NKD1: variants seen among roughly 807,000 people sequenced by gnomAD.
NKD1 encodes protein naked cuticle homolog 1.
Under a neutral mutation model 56.0 loss-of-function variants are expected in NKD1, and 21 were observed. The observed-to-expected ratio is 0.38, with a 90% CI of 0.27 to 0.54. The LOEUF (loss-of-function observed/expected upper bound fraction) is 0.54. Among genes scored for constraint, NKD1 ranks in the 20% least tolerant of loss-of-function variants. The probability of loss-of-function intolerance (pLI) is 0.82; values close to 1 mark genes in which losing one functional copy is unlikely to be tolerated. For missense variants in NKD1, 578 were observed against 642.7 expected, an observed-to-expected ratio of 0.90 and a Z score of 1.09; for synonymous variants, 263 against 265.7, an observed-to-expected ratio of 0.99 and a Z score of 0.10.
At position 50,583,805 on chromosome 16, in the gene NKD1, G is replaced by T. The variant is rs544162005; in HGVS notation, c.193-24489G>T. Among the ~76,000 whole-genome samples, 3 of 152,270 alleles carry T rather than the reference G, an allele frequency of 2.0e-5. No homozygotes were observed. The East Asian group carries it at 5.8e-4, about 29-fold the overall frequency. On this transcript the variant is annotated intron_variant, in intron 3 of 9. Coordinates refer to ENST00000268459, the MANE Select transcript of NKD1 (RefSeq NM_033119.5). Reference sequence around the variant, plus strand: ...ACATGACACAGGTGTGATGGAGCGAGTAGAGTTGTGACTCCTGATGTGGCT... The same window carrying T: ...ACATGACACAGGTGTGATGGAGCGATTAGAGTTGTGACTCCTGATGTGGCT...
chr16:50,602,262 G>A (rs1159750512), intron 3 of NKD1, among the ~76,000 whole-genome samples: 1 of 152,188 alleles, frequency 6.6e-6, no homozygotes, highest in Non-Finnish European at 1.5e-5. Flanking sequence ...TCTTCCTCTT[G>A]TTTCCTGGGT....
intron 4 of NKD1, chr16:50,613,600 TTC>T (rs1481384361): frequency 6.6e-6 from 1 of 152,234 alleles, no homozygotes; most frequent in East Asian, 1.9e-4. Flanking sequence ...CCTTGGCAGT[TTC>T]TCTCAAGTCT....
chr16:50,621,298 C>T (rs1789140222), intron 4 of NKD1, among the ~76,000 whole-genome samples: 1 of 152,168 alleles, frequency 6.6e-6, no homozygotes, highest in South Asian at 2.1e-4. Context: ...ATCCATCTGC[C>T]CTCTGGCCTG....
Position 50,643,305 on chromosome 16 carries a change from A to G in NKD1, c.*9524A>G, listed in dbSNP as rs1330644881. On this transcript the variant is annotated 3_prime_UTR_variant, in exon 10 of 10. Transcript: ENST00000268459. Reference sequence around the variant, plus strand: ...TACAGTTCAGTTAAGCAACTTACCTAACTTGTGGCTAATGCATGGTAGGAT... The same window carrying G: ...TACAGTTCAGTTAAGCAACTTACCTGACTTGTGGCTAATGCATGGTAGGAT... The G allele has an allele frequency of 6.6e-6, 1 of 152,264 alleles. No individual in the cohort carries two copies. The highest frequency in any genetic ancestry group is 6.5e-5 in the Admixed American group (1 of 15,292). 9.4% of individuals were successfully genotyped at this position (152,264 alleles called of 1,614,324 possible).
At position 50,638,785 on chromosome 16, in the gene NKD1, A is replaced by T. The variant is rs1962522047; in HGVS notation, c.*5004A>T. The T allele has an allele frequency of 6.6e-6, 1 of 152,072 alleles. No individual in the cohort carries two copies. The highest frequency in any genetic ancestry group is 1.5e-5 in the Non-Finnish European group (1 of 68,014). The allele number at this position is 152,072 out of a possible 1,614,324, so 9.4% of individuals were successfully genotyped here. ...AGCATGAGAAGGGGGAATAGGTGAGACCCATTTGCCAGTAGCAGACGGGGA... is the reference window on the plus strand; with the variant it reads ...AGCATGAGAAGGGGGAATAGGTGAGTCCCATTTGCCAGTAGCAGACGGGGA... On this transcript the variant is annotated 3_prime_UTR_variant, in exon 10 of 10. Coordinates refer to ENST00000268459, the MANE Select transcript of NKD1 (RefSeq NM_033119.5).
At position 50,548,591 on chromosome 16, in the gene NKD1, G is replaced by A; in HGVS notation, c.25+13G>A. The A allele has an allele frequency of 7.5e-6, 11 of 1,461,450 alleles. No individual in the cohort carries two copies. The highest frequency in any genetic ancestry group is 1.3e-5 in the South Asian group (1 of 76,986). The allele number at this position is 1,461,450 out of a possible 1,614,324, so 90.5% of individuals were successfully genotyped here. A position where few individuals can be genotyped will look rare whatever the true frequency, so the allele number is the denominator to read the frequency against. On this transcript the variant is annotated intron_variant, in intron 1 of 9. Transcript: ENST00000268459. ...CACTCCAAGCCGGGTCAGTGCCCCCGCCCGCGCGCTCGCCCCGGGCCCCGC... is the reference window on the plus strand; with the variant it reads ...CACTCCAAGCCGGGTCAGTGCCCCCACCCGCGCGCTCGCCCCGGGCCCCGC...
intron 3 of NKD1, among the ~76,000 whole-genome samples, chr16:50,562,927 G>A (rs2192850): frequency 0.089 from 13,209 of 148,060 alleles, 807 homozygotes; most frequent in African/African-American, 0.16. Flanking sequence ...CGGATTTAGA[G>A]CTACCCTGGC....
chr16:50,574,130 G>A (rs1472621167), intron 3 of NKD1: 1 of 869,730 alleles, frequency 1.1e-6, no homozygotes, highest in Admixed American at 6.2e-5. Flanking sequence ...CATGGGTATT[G>A]GGTGATAGAA....
chr16:50,574,679 C>T (rs2151267561), intron 3 of NKD1: 1 of 985,440 alleles, frequency 1.0e-6, no homozygotes, highest in South Asian at 4.7e-5. Flanking sequence ...CACCTCCTTG[C>T]CTCGTTGTCG....
chr16:50,608,575 G>A (rs556949944), intron 4 of NKD1: 48 of 588,756 alleles, frequency 8.2e-5, no homozygotes, highest in Admixed American at 6.8e-4. Flanking sequence ...GTGGGGGTCC[G>A]GTCACCTAGG....
intron 3 of NKD1, among the ~76,000 whole-genome samples, chr16:50,600,109 A>C (rs1421247650): frequency 6.6e-6 from 1 of 152,056 alleles, no homozygotes; most frequent in Non-Finnish European, 1.5e-5. Flanking sequence ...GGTTCTTTAA[A>C]TCCTGTCTTT....
chr16:50,578,568 G>A (rs1307541380), intron 3 of NKD1, among the ~76,000 whole-genome samples: 1 of 152,082 alleles, frequency 6.6e-6, no homozygotes, highest in African/African-American at 2.4e-5. Context: ...GTTCCCCTGG[G>A]GATCTACTAG....
rs140430936 is a variant in NKD1, at chr16:50,632,292, A to C, written c.707A>C (p.Asp236Ala). The change falls in exon 9 of 10, where the codon GAC becomes GCC. Residue 236 changes from aspartate to alanine, a missense_variant. Transcript: ENST00000268459. This position sits in a 1 kb window ranked among gnomAD's most constrained non-coding sequence, Gnocchi z 4.1. ...KQRAPLRFQG[D>A]SRLEQSGCYH... is the part of the protein sequence containing the mutation. ...CTCCCCTGCCGTAGGTTCCAGGGTGACAGCCGCCTGGAGCAGTCTGGCTGC... is the reference window on the plus strand; with the variant it reads ...CTCCCCTGCCGTAGGTTCCAGGGTGCCAGCCGCCTGGAGCAGTCTGGCTGC... 4 of 1,614,016 alleles carry C rather than the reference A, an allele frequency of 2.5e-6. No homozygotes were observed. The African/African-American group carries it at 5.3e-5, about 22-fold the overall frequency.
chr16:50,549,541 G>C lies in NKD1; in HGVS notation c.178G>C (p.Gly60Arg). Residue 60 changes from glycine (G) to arginine (R), a missense_variant, in exon 3 of 10, where the codon GGC becomes CGC. Coordinates refer to ENST00000268459, the MANE Select transcript of NKD1 (RefSeq NM_033119.5). Reference sequence around the variant, plus strand: ...ACAGCTGCGGTTGGCGGGCACCATAGGCCGAAGCACCCGGGTATGATTCCC... The same window carrying C: ...ACAGCTGCGGTTGGCGGGCACCATACGCCGAAGCACCCGGGTATGATTCCC... ...PRQLRLAGTI[G>R]RSTRELVGDV... The C allele has an allele frequency of 6.3e-7, 1 of 1,597,472 alleles. No homozygotes were observed. Among genetic ancestry groups the C allele is most frequent in the Non-Finnish European group, 8.5e-7 (1 of 1,170,974 alleles).
intron 3 of NKD1, among the ~76,000 whole-genome samples, chr16:50,599,882 T>A (rs944061154): frequency 1.3e-5 from 2 of 152,198 alleles, no homozygotes; most frequent in East Asian, 1.9e-4. Flanking sequence ...TTTACTCTTT[T>A]CTGTTGTTGG....
At chr16:50,630,436 G>T in intron 7 of NKD1, 103 bp downstream of exon 7, 2 of 1,349,842 alleles carry the variant, frequency 1.5e-6, no homozygotes, top group Non-Finnish European at 2.0e-6. Context: ...GCTTTCTGGG[G>T]CAGCTGCTTT....
chr16:50,569,347 C>G (rs1476341307), intron 3 of NKD1, among the ~76,000 whole-genome samples: 1 of 152,168 alleles, frequency 6.6e-6, no homozygotes, highest in African/African-American at 2.4e-5. Context: ...GCACTTATTG[C>G]TTCTGTGTTC....
At chr16:50,550,694 G>T (rs1960363790) in intron 3 of NKD1, among the ~76,000 whole-genome samples, 1 of 152,062 alleles carries the variant, frequency 6.6e-6, no homozygotes, top group Non-Finnish European at 1.5e-5. Flanking sequence ...TTGGTGGGCG[G>T]GGGGCACTGC....
chr16:50,610,356 G>A (rs551263620), intron 4 of NKD1, among the ~76,000 whole-genome samples: 19 of 152,200 alleles, frequency 1.2e-4, no homozygotes, highest in Non-Finnish European at 2.5e-4. Context: ...GACCCCATGA[G>A]GGACCCTGGG....
Sources: gnomAD v4.1 joint callset for allele counts (sites outside exome capture counted in the v4.1 genomes callset) on GRCh38, gnomAD v4.1.1 for gene constraint, Gnocchi (gnomAD v3.1) non-coding constraint, MANE v1.5 for transcripts, NCBI Gene and HGNC (gene_info 2026-07-23, HGNC 2026-07-21) for gene names.